PEX16: variants seen among roughly 807,000 people sequenced by gnomAD.
PEX16 encodes the protein peroxisomal biogenesis factor 16, also known as peroxin 16.
In PEX16, 37 loss-of-function variants were observed where a neutral mutation model predicts 50.5. That is an observed-to-expected ratio of 0.73 (90% CI 0.56 to 0.96). The LOEUF (loss-of-function observed/expected upper bound fraction) is 0.96. Ranked by LOEUF, PEX16 falls within the 40% of genes least tolerant of loss-of-function variation. The pLI, the probability that PEX16 is intolerant of heterozygous loss-of-function variation, is 0.00. For synonymous variants in PEX16, 185 were observed against 190.3 expected (o/e 0.97, Z 0.23); for missense variants, 401 against 438.3 (o/e 0.91, Z 0.76).
At chr11:45,915,609 G>A in intron 4 of PEX16, 41 bp from the exon 5 acceptor site, 1 of 1,612,658 alleles carries the variant, frequency 6.2e-7, no homozygotes, top group South Asian at 1.1e-5. Flanking sequence ...GAGGTGGCTA[G>A]CCGGCGGGAG....
chr11:45,909,992 T>G lies in PEX16; in HGVS notation c.*262A>C. On this transcript the variant is annotated 3_prime_UTR_variant, in exon 11 of 11. Transcript: ENST00000378750. ...TCCATGAGGTGAAGTCACCGCTTTC[T>G]GTGGGAGAGGAGCCTGGATCCCACT... The G allele has an allele frequency of 8.7e-7, 1 of 1,147,120 alleles. No individual in the cohort carries two copies. The highest frequency in any genetic ancestry group is 1.3e-6 in the Non-Finnish European group (1 of 767,644). The allele number at this position is 1,147,120 out of a possible 1,614,324, so 71.1% of individuals were successfully genotyped here. A position where few individuals can be genotyped will look rare whatever the true frequency, so the allele number is the denominator to read the frequency against.
At chr11:45,915,637 G>A in intron 4 of PEX16, 66 bp downstream of exon 4, 2 of 1,612,910 alleles carry the variant, frequency 1.2e-6, no homozygotes, top group Non-Finnish European at 1.7e-6. Context: ...ATGCTCTGCT[G>A]AGCACCATCT....
At chr11:45,911,857 C>G (rs891803770) in intron 9 of PEX16, 4 of 151,660 alleles carry the variant, frequency 2.6e-5, no homozygotes, top group Non-Finnish European at 5.9e-5. Context: ...AACCCCATCT[C>G]TACTAAAAAA....
chr11:45,917,948 G>T, upstream of PEX16: 1 of 720,346 alleles, frequency 1.4e-6, no homozygotes, highest in Non-Finnish European at 2.5e-6. Flanking sequence ...GAAGGCTGAG[G>T]ACTTGAAGAA....
In PEX16 at chr11:45,916,308, G is replaced by C. The variant is rs768446035; in HGVS notation, c.149-5C>G. ...GCAGGTTAGAGGCAGAGTACACTGA[G>C]GGGTAGAGAGTGGCCTTGAGAGGCT... On this transcript the variant is annotated splice_region_variant and splice_polypyrimidine_tract_variant and intron_variant, in intron 2 of 10. Transcript: ENST00000378750. The C allele has an allele frequency of 1.1e-5, 18 of 1,612,550 alleles. No homozygotes were observed. Among genetic ancestry groups the C allele is most frequent in the Admixed American group, 1.7e-5 (1 of 60,024 alleles).
At chr11:45,917,972 CTTCACCCCATCTCTT>C, upstream of PEX16, 1 of 693,244 alleles carries the variant, frequency 1.4e-6, no homozygotes, top group Non-Finnish European at 2.6e-6. Flanking sequence ...GTGAACCACC[CTTCACCCCATCTCTT>C]GAACCGCTTC....
At chr11:45,916,856 G>A (rs1352415448) in intron 2 of PEX16, 6 of 366,744 alleles carry the variant, frequency 1.6e-5, no homozygotes, top group Non-Finnish European at 3.2e-5. Context: ...TTTTAGTAGA[G>A]ATGGGGTTTC....
chr11:45,911,496 AG>A (rs1294026437), intron 9 of PEX16, among the ~76,000 whole-genome samples: 2 of 152,370 alleles, frequency 1.3e-5, no homozygotes, highest in East Asian at 3.9e-4. Flanking sequence ...GGTTTTCCAC[AG>A]GGGAACTCGG....
At position 45,917,504 on chromosome 11, in the gene PEX16, G is replaced by C; in HGVS notation, c.113-11C>G. On this transcript the variant is annotated splice_polypyrimidine_tract_variant and intron_variant, in intron 1 of 10. Transcript: ENST00000378750. ...AATCGGCGAATCGACCTGGGGAGAG[G>C]GTACAGAAGGAGGTGTGAGTGAGCA... 1 of 1,613,996 alleles carries C rather than the reference G, an allele frequency of 6.2e-7. No individual in the cohort carries two copies.
chr11:45,915,941 C>G lies in PEX16; in HGVS notation c.226-105G>C, dbSNP rs569447072. ...TCTGACAAGAGATGTGGACCTTCCC[C>G]TTTCCAAGCCTAACTGTGCAGGTGT... On this transcript the variant is annotated intron_variant, in intron 3 of 10. Transcript: ENST00000378750. The G allele has an allele frequency of 1.8e-5, 20 of 1,122,630 alleles. No individual in the cohort carries two copies. The Admixed American group carries it at 3.1e-4, about 17-fold the overall frequency. The allele number at this position is 1,122,630 out of a possible 1,614,324, so 69.5% of individuals were successfully genotyped here.
At chr11:45,915,388 T>C (rs1162660160) in intron 5 of PEX16, 80 bp downstream of exon 5, 1 of 1,021,658 alleles carries the variant, frequency 9.8e-7, no homozygotes, top group African/African-American at 1.6e-5. Flanking sequence ...CAGATACTAC[T>C]GTATTCATGC....
At chr11:45,918,419 A>AC, upstream of PEX16, 1 of 175,006 alleles carries the variant, frequency 5.7e-6, no homozygotes, top group Non-Finnish European at 1.3e-5. Context: ...AGTGCTGGGG[A>AC]AACTGAGGCA....
chr11:45,910,877 C>T (rs1309467729), intron 10 of PEX16, 21 bp downstream of exon 10: 10 of 1,609,822 alleles, frequency 6.2e-6, no homozygotes, highest in Non-Finnish European at 6.8e-6. Context: ...CTACAGTCAT[C>T]GCGTCCCCAT....
At position 45,909,943 on chromosome 11, in the gene PEX16, GC is replaced by G. The variant is rs1439495874; in HGVS notation, c.*310del. 4 of 736,836 alleles carry G rather than the reference GC, an allele frequency of 5.4e-6. No homozygotes were observed. The highest frequency in any genetic ancestry group is 1.7e-5 in the African/African-American group (1 of 58,180). 45.6% of individuals were successfully genotyped at this position (736,836 alleles called of 1,614,324 possible). A position where few individuals can be genotyped will look rare whatever the true frequency, so the allele number is the denominator to read the frequency against. On this transcript the variant is annotated 3_prime_UTR_variant, in exon 11 of 11. Transcript: ENST00000378750. ...AGCAGCAGTGTTCGCTCCTATGGCT[GC>G]CGAGGCGAGCAGCTTCCCGGGCTCC...
At chr11:45,914,880 C>A (rs962662607) in intron 5 of PEX16, among the ~76,000 whole-genome samples, 196 bp from the exon 6 acceptor site, 1 of 152,228 alleles carries the variant, frequency 6.6e-6, no homozygotes, top group Non-Finnish European at 1.5e-5. Context: ...AAGCACTCTG[C>A]AGCCCTCCCT....
chr11:45,915,875 A>T (rs1209154232), intron 3 of PEX16, 39 bp from the exon 4 acceptor site: 1 of 1,605,794 alleles, frequency 6.2e-7, no homozygotes, highest in Non-Finnish European at 8.5e-7. Flanking sequence ...GGGGCCTGGG[A>T]CTACAGGGAG....
chr11:45,910,929 G>C lies in PEX16; in HGVS notation c.921C>G (p.Ala307=). 2 of 1,613,580 alleles carry C rather than the reference G, an allele frequency of 1.2e-6. No individual in the cohort carries two copies. The highest frequency in any genetic ancestry group is 1.7e-6 in the Non-Finnish European group (2 of 1,180,022). The stretch of plus-strand genomic sequence containing the variant: ...CCAGGCCAACGCCAGGGACGTGGTC[G>C]GCCAGCAACTGGAGCAGGAAGAGGA... ...ARILFLLQLL[A]DHVPGVGLVT... Residue 307 remains alanine (A), a synonymous_variant, in exon 10 of 11, where the codon GCC becomes GCG. Coordinates refer to ENST00000378750, the MANE Select transcript of PEX16 (RefSeq NM_004813.4).
rs564039599 is a variant in PEX16, at chr11:45,914,009, G to C, written c.768-71C>G. 19 of 1,602,422 alleles carry C rather than the reference G, an allele frequency of 1.2e-5. No homozygotes were observed. The Admixed American group carries it at 3.1e-4, about 26-fold the overall frequency. ...GCCCACGGAAGGGGAGGAGCCATGGGCTGGGTGTCCAGAGGGGCAGCAACA... is the reference window on the plus strand; with the variant it reads ...GCCCACGGAAGGGGAGGAGCCATGGCCTGGGTGTCCAGAGGGGCAGCAACA... On this transcript the variant is annotated intron_variant, in intron 8 of 10. Coordinates refer to ENST00000378750, the MANE Select transcript of PEX16 (RefSeq NM_004813.4).
At chr11:45,913,770 T>C in intron 9 of PEX16, 49 bp downstream of exon 9, 1 of 1,611,034 alleles carries the variant, frequency 6.2e-7, no homozygotes, top group Non-Finnish European at 8.5e-7. Context: ...GGAGCACCAG[T>C]GCCCGCTTGC....
Sources: gnomAD v4.1 joint callset for allele counts (sites outside exome capture counted in the v4.1 genomes callset) on GRCh38, gnomAD v4.1.1 for gene constraint, MANE v1.5 for transcripts, NCBI Gene and HGNC (gene_info 2026-07-23, HGNC 2026-07-21) for gene names.